ZC3H12B: variants seen among roughly 807,000 people sequenced by gnomAD.
ZC3H12B encodes the protein probable ribonuclease ZC3H12B.
In ZC3H12B, 7 loss-of-function variants were observed where a neutral mutation model predicts 43.9. The observed-to-expected ratio is 0.16, with a 90% CI of 0.09 to 0.30. The LOEUF is 0.30. ZC3H12B is among the 10% of genes least tolerant of loss of function. The pLI is 1.00. For synonymous variants in ZC3H12B, 222 were observed against 241.7 expected, an observed-to-expected ratio of 0.92 and a Z score of 0.76; for missense variants, 475 against 670.2, an observed-to-expected ratio of 0.71 and a Z score of 3.22.
At chrX:65,248,976 ATTAG>A in the ZC3H12B span, among the ~76,000 whole-genome samples, 16 of 111,353 alleles carry the variant, frequency 1.4e-4, no homozygotes, top group Admixed American at 5.7e-4. Flanking sequence ...GATTCTGGAT[ATTAG>A]TTTTTCTCAG....
At chrX:65,055,196 C>T in the ZC3H12B span, among the ~76,000 whole-genome samples, 3 of 111,398 alleles carry the variant, frequency 2.7e-5, no homozygotes, top group Admixed American at 9.6e-5. Flanking sequence ...AATTTTTGCC[C>T]ATTCAGTATG....
At chrX:65,186,727 T>A in the ZC3H12B span, among the ~76,000 whole-genome samples, 1 of 110,722 alleles carries the variant, frequency 9.0e-6, no homozygotes, top group Non-Finnish European at 1.9e-5. Flanking sequence ...AGTGTATTAT[T>A]CTTATGCCTT....
the ZC3H12B span, among the ~76,000 whole-genome samples, chrX:65,342,212 C>CT: frequency 9.0e-6 from 1 of 111,488 alleles, no homozygotes; most frequent in African/African-American, 3.3e-5. Flanking sequence ...AACAAGGAGA[C>CT]CTAACCATCT....
intron 3 of ZC3H12B, among the ~76,000 whole-genome samples, chrX:65,432,381 G>T (rs755741605): frequency 9.0e-6 from 1 of 111,622 alleles, no homozygotes; most frequent in African/African-American, 3.3e-5. Flanking sequence ...GCAGTGACTT[G>T]CTCCAAAATT....
the ZC3H12B span, among the ~76,000 whole-genome samples, chrX:65,100,566 C>CAAAAAAAAAAAAAAAAAA: frequency 2.2e-3 from 10 of 4,531 alleles, 3 homozygotes; most frequent in African/African-American, 8.4e-3. Context: ...AAAGATAAAG[C>CAAAAAAAAAAAAAAAAAA]AAAAAAAAAA....
chrX:65,255,122 C>T, the ZC3H12B span, among the ~76,000 whole-genome samples: 1 of 112,036 alleles, frequency 8.9e-6, no homozygotes, highest in Non-Finnish European at 1.9e-5. Context: ...AGAAATCACA[C>T]AACTTGGAAG....
At chrX:65,348,164 G>A in the ZC3H12B span, among the ~76,000 whole-genome samples, 3 of 111,774 alleles carry the variant, frequency 2.7e-5, no homozygotes, top group Admixed American at 1.9e-4. Context: ...ACACCAACAT[G>A]GCACATGTAT....
the ZC3H12B span, among the ~76,000 whole-genome samples, chrX:65,254,881 G>A: frequency 1.8e-5 from 2 of 111,444 alleles, no homozygotes; most frequent in Admixed American, 1.9e-4. Context: ...TGACCTGATA[G>A]AGCAGAAAAA....
chrX:65,338,451 C>G, the ZC3H12B span, among the ~76,000 whole-genome samples: 1 of 111,906 alleles, frequency 8.9e-6, no homozygotes, highest in African/African-American at 3.3e-5. Flanking sequence ...AGAGTTGGTA[C>G]CAATTCTACT....
At chrX:65,385,916 T>G (rs926993009) in intron 2 of ZC3H12B, among the ~76,000 whole-genome samples, 1 of 112,630 alleles carries the variant, frequency 8.9e-6, no homozygotes, top group Non-Finnish European at 1.9e-5. Flanking sequence ...GTGGTTTTTG[T>G]CTTTGGTTCT....
At chrX:65,315,028 T>C in the ZC3H12B span, among the ~76,000 whole-genome samples, 1 of 111,162 alleles carries the variant, frequency 9.0e-6, no homozygotes, top group African/African-American at 3.3e-5. Context: ...TGAAATTGAA[T>C]ACTAAAAATT....
At chrX:65,383,188 C>T (rs1393058919) in intron 2 of ZC3H12B, among the ~76,000 whole-genome samples, 1 of 112,007 alleles carries the variant, frequency 8.9e-6, no homozygotes, top group African/African-American at 3.2e-5. Context: ...CATCACCCTA[C>T]CTGACTTCCA....
the ZC3H12B span, among the ~76,000 whole-genome samples, chrX:65,338,003 G>A: frequency 9.0e-6 from 1 of 111,547 alleles, no homozygotes; most frequent in African/African-American, 3.3e-5. Context: ...CTTTTACGTG[G>A]GATATTTACA....
chrX:65,143,360 A>G, the ZC3H12B span, among the ~76,000 whole-genome samples: 1 of 110,918 alleles, frequency 9.0e-6, no homozygotes, highest in Admixed American at 9.6e-5. Context: ...ATATTGAGGT[A>G]TGTTCCTTGC....
chrX:65,260,736 G>A, the ZC3H12B span, among the ~76,000 whole-genome samples: 4 of 111,628 alleles, frequency 3.6e-5, no homozygotes, highest in Non-Finnish European at 7.6e-5. Context: ...AAATCCTTTT[G>A]TTAATGTTCT....
chrX:65,226,541 T>G, the ZC3H12B span, among the ~76,000 whole-genome samples: 1 of 111,374 alleles, frequency 9.0e-6, no homozygotes, highest in Non-Finnish European at 1.9e-5. Context: ...ATATTAACTT[T>G]AAATGTAAAT....
At chrX:65,217,118 G>A in the ZC3H12B span, among the ~76,000 whole-genome samples, 1 of 111,526 alleles carries the variant, frequency 9.0e-6, no homozygotes, top group Non-Finnish European at 1.9e-5. Context: ...ACTCCTGCTT[G>A]GGGGAAGGGA....
chrX:65,228,001 G>C, the ZC3H12B span, among the ~76,000 whole-genome samples: 12 of 111,381 alleles, frequency 1.1e-4, no homozygotes, highest in African/African-American at 3.9e-4. Context: ...CCAATCAAAA[G>C]AAAAAGAGGG....
At chrX:65,449,752 A>G (rs1446269591) in intron 3 of ZC3H12B, among the ~76,000 whole-genome samples, 1 of 112,066 alleles carries the variant, frequency 8.9e-6, no homozygotes, top group Non-Finnish European at 1.9e-5. Context: ...TAACTCAGGA[A>G]TGAAAAGCCA....
Sources: gnomAD v4.1 joint callset for allele counts (sites outside exome capture counted in the v4.1 genomes callset) on GRCh38, gnomAD v4.1.1 for gene constraint, MANE v1.5 for transcripts, NCBI Gene and HGNC (gene_info 2026-07-23, HGNC 2026-07-21) for gene names.